The following SSH2 variants were observed in gnomAD, a reference collection of about 807,000 sequenced individuals.
The protein encoded by SSH2 is slingshot protein phosphatase 2.
In SSH2, 37 loss-of-function variants were observed where a neutral mutation model predicts 135.2. That is an observed-to-expected ratio of 0.27 (90% confidence interval 0.21 to 0.36). SSH2 has a LOEUF of 0.36. Ranked by LOEUF, SSH2 falls within the 10% of genes least tolerant of loss-of-function variation. SSH2 has a pLI of 1.00. For missense variants in SSH2, 1,408 were observed against 1,765.3 expected, an observed-to-expected ratio of 0.80 and a Z score of 3.63; for synonymous variants, 628 against 646.2, an observed-to-expected ratio of 0.97 and a Z score of 0.43.
intron 1 of SSH2, among the ~76,000 whole-genome samples, chr17:29,868,351 G>A (rs894727230): frequency 1.3e-5 from 2 of 151,994 alleles, no homozygotes; most frequent in South Asian, 4.2e-4. Context: ...CTTTCTTCTC[G>A]GTCACCCACA....
chr17:29,657,806 C>T (rs1044635246), intron 11 of SSH2, among the ~76,000 whole-genome samples: 4 of 151,594 alleles, frequency 2.6e-5, no homozygotes, highest in Middle Eastern at 3.4e-3. Context: ...AACTCTTGGC[C>T]TCAAGTGATC....
At chr17:29,812,686 C>T (rs1355254244) in intron 2 of SSH2, among the ~76,000 whole-genome samples, 3 of 152,038 alleles carry the variant, frequency 2.0e-5, no homozygotes, top group Non-Finnish European at 2.9e-5. Context: ...GTCAGGAGAT[C>T]GAGACCATCC....
chr17:29,727,662 C>T (rs1214197879), intron 3 of SSH2, among the ~76,000 whole-genome samples: 1 of 152,168 alleles, frequency 6.6e-6, no homozygotes. Flanking sequence ...CTTCTTACCT[C>T]TCTTCTATAA....
intron 2 of SSH2, among the ~76,000 whole-genome samples, chr17:29,845,489 T>G (rs905335751): frequency 4.6e-5 from 7 of 152,130 alleles, no homozygotes; most frequent in Non-Finnish European, 1.0e-4. Context: ...TGAAACAACT[T>G]TTGCCTCTTG....
intron 1 of SSH2, among the ~76,000 whole-genome samples, chr17:29,912,211 G>A (rs751302901): frequency 5.9e-5 from 9 of 152,038 alleles, no homozygotes; most frequent in Non-Finnish European, 1.2e-4. Context: ...TCTTTTATGT[G>A]GAAAAAAGCA....
chr17:29,828,154 C>A lies in SSH2; in HGVS notation c.144+20695G>T, dbSNP rs962809362. On this transcript the variant is annotated intron_variant, in intron 2 of 15. Transcript: ENST00000540801. The stretch of plus-strand genomic sequence containing the variant: ...ACAGAATTATTGATCATCTGTGAAC[C>A]CTGCCATCACAGGAAGTCTTTAACA... 1.3e-5 allele frequency among the ~76,000 whole-genome samples: 2 copies of A among 152,144 alleles called. 1 individual carries two copies. Among genetic ancestry groups the A allele is most frequent in the South Asian group, 4.1e-4 (2 of 4,830 alleles).
rs780136101 is a variant in SSH2 at position 29,630,619 on chromosome 17, A to T, written c.*222T>A. On this transcript the variant is annotated 3_prime_UTR_variant, in exon 16 of 16. Transcript: ENST00000540801. ...ACTTTTTTGAGGTTTGATTTTTTTA[A>T]ATAAAAAATGATAAACGGTCTTGCC... 2.7e-6 allele frequency: 1 copy of T among 368,656 alleles called. No homozygotes were observed. The highest frequency in any genetic ancestry group is 4.7e-6 in the Non-Finnish European group (1 of 210,894). 22.8% of individuals were successfully genotyped at this position (368,656 alleles called of 1,614,324 possible). A position where few individuals can be genotyped will look rare whatever the true frequency, so the allele number is the denominator to read the frequency against.
intron 1 of SSH2, among the ~76,000 whole-genome samples, chr17:29,924,064 CTTTT>C (rs1459076669): frequency 6.6e-6 from 1 of 152,144 alleles, no homozygotes; most frequent in African/African-American, 2.4e-5. Context: ...TGGCACATGT[CTTTT>C]TTTATCTTTT....
intron 3 of SSH2, among the ~76,000 whole-genome samples, chr17:29,728,618 C>T (rs900446425): frequency 3.3e-5 from 5 of 152,036 alleles, no homozygotes; most frequent in African/African-American, 4.8e-5. Context: ...GGAACAAAAC[C>T]GGAGGAATCA....
At chr17:29,865,373 C>A (rs183148516) in intron 1 of SSH2, among the ~76,000 whole-genome samples, 1 of 152,160 alleles carries the variant, frequency 6.6e-6, no homozygotes, top group East Asian at 1.9e-4. Flanking sequence ...ATTAGAGATC[C>A]CCAGCAGGAA....
At chr17:29,645,659 T>C (rs939724457) in intron 14 of SSH2, 2 of 152,206 alleles carry the variant, frequency 1.3e-5, no homozygotes, top group African/African-American at 4.8e-5. Flanking sequence ...AATGCTCAGA[T>C]GCCTCTTTCT....
chr17:29,655,400 G>C (rs1001489422), intron 12 of SSH2, among the ~76,000 whole-genome samples, 161 bp downstream of exon 12: 7 of 152,140 alleles, frequency 4.6e-5, no homozygotes, highest in African/African-American at 1.4e-4. Context: ...ACCGTGCCCG[G>C]CCCAGCTATT....
At chr17:29,916,456 T>G (rs1264737713) in intron 1 of SSH2, among the ~76,000 whole-genome samples, 2 of 147,722 alleles carry the variant, frequency 1.4e-5, no homozygotes, top group South Asian at 2.1e-4. Flanking sequence ...TGTTAAAGAT[T>G]TTTTTTTTCT....
At chr17:29,777,597 A>T (rs2041731219) in intron 3 of SSH2, 1 of 152,146 alleles carries the variant, frequency 6.6e-6, no homozygotes, top group Non-Finnish European at 1.5e-5. Flanking sequence ...GAAAATTGAA[A>T]TGTCATTACA....
At chr17:29,875,304 T>G (rs1792102557) in intron 1 of SSH2, among the ~76,000 whole-genome samples, 1 of 152,182 alleles carries the variant, frequency 6.6e-6, no homozygotes, top group Non-Finnish European at 1.5e-5. Flanking sequence ...TAATCAGAAA[T>G]CTAGAGTGAT....
intron 11 of SSH2, among the ~76,000 whole-genome samples, chr17:29,662,923 T>C (rs1349425506): frequency 6.6e-6 from 1 of 152,232 alleles, no homozygotes; most frequent in Non-Finnish European, 1.5e-5. Flanking sequence ...TCCAATATAC[T>C]TGTTTGCCTG....
intron 4 of SSH2, among the ~76,000 whole-genome samples, chr17:29,698,478 G>C (rs1461751409): frequency 6.6e-6 from 1 of 152,074 alleles, no homozygotes; most frequent in African/African-American, 2.4e-5. Flanking sequence ...AGCAACTGAG[G>C]ATACTTTTTA....
intron 3 of SSH2, among the ~76,000 whole-genome samples, 161 bp from the exon 4 acceptor site, chr17:29,703,223 C>T (rs543249195): frequency 3.5e-4 from 54 of 152,202 alleles, no homozygotes; most frequent in African/African-American, 1.1e-3. Flanking sequence ...CTCACTCATA[C>T]GCTCCTGTCT....
At chr17:29,850,733 C>A (rs1228422305) in intron 1 of SSH2, among the ~76,000 whole-genome samples, 1 of 152,206 alleles carries the variant, frequency 6.6e-6, no homozygotes, top group East Asian at 1.9e-4. Context: ...CGCCTATAAT[C>A]CCAGCACTTT....
Sources: gnomAD v4.1 joint callset for allele counts (sites outside exome capture counted in the v4.1 genomes callset) on GRCh38, gnomAD v4.1.1 for gene constraint, MANE v1.5 for transcripts, NCBI Gene and HGNC (gene_info 2026-07-23, HGNC 2026-07-21) for gene names.